ARHGAP42: variants seen among roughly 807,000 people sequenced by gnomAD.
ARHGAP42 encodes the protein rho GTPase-activating protein 42.
In ARHGAP42, 63 loss-of-function variants were observed where a neutral mutation model predicts 125.0. The observed-to-expected ratio is 0.50, with a 90% CI of 0.41 to 0.62. The LOEUF is 0.62. ARHGAP42 is among the 20% of genes least tolerant of loss of function. The probability of loss-of-function intolerance (pLI) is 0.00; values close to 1 mark genes in which losing one functional copy is unlikely to be tolerated. For synonymous variants in ARHGAP42, 339 were observed against 351.0 expected, an observed-to-expected ratio of 0.97 and a Z score of 0.38; for missense variants, 766 against 1,024.2, an observed-to-expected ratio of 0.75 and a Z score of 3.44.
chr11:100,969,712 C>T lies in ARHGAP42; in HGVS notation c.1551-3463C>T, dbSNP rs542668710. 1.1e-3 allele frequency among the ~76,000 whole-genome samples: 175 copies of T among 152,224 alleles called. 1 individual carries two copies. Among genetic ancestry groups the T allele is most frequent in the African/African-American group, 4.1e-3 (169 of 41,562 alleles). On this transcript the variant is annotated intron_variant, in intron 17 of 23. Transcript: ENST00000298815. ...GAAACATTGCCACCACACCTCTGTA[C>T]TTTCCTTTATCTTTAGACATGGTTT...
intron 22 of ARHGAP42, among the ~76,000 whole-genome samples, chr11:100,982,931 C>T (rs1490697447): frequency 2.0e-5 from 3 of 152,156 alleles, no homozygotes; most frequent in Non-Finnish European, 4.4e-5. Context: ...ATCACCATAA[C>T]ACCCATAAGC....
intron 3 of ARHGAP42, among the ~76,000 whole-genome samples, chr11:100,848,416 T>G (rs1565240379): frequency 6.6e-6 from 1 of 152,124 alleles, no homozygotes; most frequent in Non-Finnish European, 1.5e-5. Flanking sequence ...CGGGTTAACA[T>G]GGAGATAAGG....
In ARHGAP42 at chr11:100,687,765, G is replaced by A. The variant is rs1374778212; in HGVS notation, c.87G>A (p.Leu29=). 2 of 1,551,088 alleles carry A rather than the reference G, an allele frequency of 1.3e-6. No homozygotes were observed. The highest frequency in any genetic ancestry group is 4.9e-5 in the East Asian group (2 of 40,900). ...RERLQCHEIE[L]ERTNKFIKEL... ...GCTTGCAGTGTCACGAGATTGAGCT[G>A]GAGCGAACCAACAAGTTCATCAAGG... Residue 29 remains leucine (L), a synonymous_variant, in exon 1 of 24, where the codon CTG becomes CTA. Coordinates refer to ENST00000298815, the MANE Select transcript of ARHGAP42 (RefSeq NM_152432.4).
At chr11:100,908,544 A>G (rs1231843583) in intron 4 of ARHGAP42, among the ~76,000 whole-genome samples, 3 of 152,184 alleles carry the variant, frequency 2.0e-5, no homozygotes, top group Non-Finnish European at 2.9e-5. Context: ...CCCCAGTTCC[A>G]TCTATGTTGC....
intron 1 of ARHGAP42, among the ~76,000 whole-genome samples, chr11:100,753,482 A>G (rs1862505362): frequency 6.6e-6 from 1 of 152,096 alleles, no homozygotes; most frequent in Non-Finnish European, 1.5e-5. Flanking sequence ...GGCTGGAGCA[A>G]TTTCAAGGAA....
chr11:100,782,470 T>C (rs867607905), intron 2 of ARHGAP42, among the ~76,000 whole-genome samples: 2 of 152,200 alleles, frequency 1.3e-5, no homozygotes, highest in Non-Finnish European at 2.9e-5. Context: ...AGGCAGAATA[T>C]AGACAATCAG....
At chr11:100,933,380 T>C in intron 7 of ARHGAP42, 120 bp downstream of exon 7, 1 of 592,794 alleles carries the variant, frequency 1.7e-6, no homozygotes. Context: ...AACCCTAATC[T>C]TAGTTAGAAA....
At chr11:100,844,687 G>GA (rs1217236568) in intron 3 of ARHGAP42, among the ~76,000 whole-genome samples, 1 of 146,834 alleles carries the variant, frequency 6.8e-6, no homozygotes, top group Admixed American at 6.6e-5. Flanking sequence ...AGAAACATAT[G>GA]AAAAAATCTC....
At chr11:100,848,530 G>T (rs572301937) in intron 3 of ARHGAP42, among the ~76,000 whole-genome samples, 5 of 150,966 alleles carry the variant, frequency 3.3e-5, no homozygotes, top group Non-Finnish European at 2.9e-5. Flanking sequence ...CTGAGGTGGA[G>T]TCTTGTACTG....
intron 4 of ARHGAP42, among the ~76,000 whole-genome samples, chr11:100,900,966 G>C (rs1309208824): frequency 2.0e-5 from 3 of 152,084 alleles, no homozygotes; most frequent in Non-Finnish European, 4.4e-5. Flanking sequence ...GAAGAGAAGA[G>C]GTGGTCTGGT....
At chr11:100,741,413 G>A (rs1862184406) in intron 1 of ARHGAP42, among the ~76,000 whole-genome samples, 3 of 152,188 alleles carry the variant, frequency 2.0e-5, no homozygotes, top group Non-Finnish European at 4.4e-5. Flanking sequence ...AGGCATGACG[G>A]TAAAGTGTGT....
intron 1 of ARHGAP42, among the ~76,000 whole-genome samples, chr11:100,762,510 A>G (rs779188080): frequency 5.3e-5 from 8 of 151,914 alleles, no homozygotes; most frequent in Non-Finnish European, 8.8e-5. Context: ...CTTCAGCTCA[A>G]CTCTCGTTTA....
chr11:100,837,591 G>A (rs542684227), intron 3 of ARHGAP42, among the ~76,000 whole-genome samples: 1 of 147,802 alleles, frequency 6.8e-6, no homozygotes, highest in South Asian at 2.2e-4. Context: ...CATAATGAAG[G>A]CATGGAATAT....
intron 12 of ARHGAP42, 101 bp downstream of exon 12, chr11:100,950,057 AT>A (rs1868134844): frequency 1.6e-6 from 1 of 615,092 alleles, no homozygotes; most frequent in Non-Finnish European, 2.6e-6. Context: ...GTATAACACC[AT>A]TGATCTCATG....
chr11:100,881,562 T>C (rs1458571335), intron 4 of ARHGAP42, among the ~76,000 whole-genome samples: 1 of 152,184 alleles, frequency 6.6e-6, no homozygotes, highest in African/African-American at 2.4e-5. Flanking sequence ...CTATGTGGGC[T>C]CTTTTTTGGT....
intron 3 of ARHGAP42, among the ~76,000 whole-genome samples, chr11:100,827,209 G>T (rs553346076): frequency 1.3e-5 from 2 of 152,070 alleles, no homozygotes; most frequent in Admixed American, 1.3e-4. Context: ...CACAATGTTG[G>T]CCAGGCTGGT....
intron 1 of ARHGAP42, among the ~76,000 whole-genome samples, chr11:100,758,034 A>G (rs960246434): frequency 7.2e-5 from 11 of 152,248 alleles, no homozygotes; most frequent in Admixed American, 5.9e-4. Context: ...ATGTATAGCC[A>G]TGATATTATC....
At chr11:100,875,458 C>A (rs1247020846) in intron 4 of ARHGAP42, among the ~76,000 whole-genome samples, 1 of 152,134 alleles carries the variant, frequency 6.6e-6, no homozygotes, top group East Asian at 1.9e-4. Flanking sequence ...CCTGCACCTG[C>A]CCCTTGACCT....
intron 1 of ARHGAP42, among the ~76,000 whole-genome samples, chr11:100,690,216 C>A (rs914373681): frequency 6.6e-6 from 1 of 152,186 alleles, no homozygotes; most frequent in Non-Finnish European, 1.5e-5. Flanking sequence ...TAGACTATTT[C>A]AATAGATGTA....
Sources: allele counts gnomAD v4.1 joint callset (sites outside exome capture counted in the v4.1 genomes callset), GRCh38; gene constraint gnomAD v4.1.1; transcripts MANE v1.5; gene names NCBI Gene and HGNC (gene_info 2026-07-23, HGNC 2026-07-21).